The following PRR16 variants were observed in gnomAD, a reference collection of about 807,000 sequenced individuals.
PRR16 encodes the protein proline rich 16, also known as protein Largen.
A neutral mutation model predicts 18.2 loss-of-function variants in PRR16; 6 were observed. The observed-to-expected ratio is 0.33, with a 90% CI of 0.18 to 0.65. The LOEUF (loss-of-function observed/expected upper bound fraction) is 0.65. Ranked by LOEUF, PRR16 falls within the 30% of genes least tolerant of loss-of-function variation. PRR16 has a pLI of 0.74. For synonymous variants in PRR16, 151 were observed against 147.8 expected, an observed-to-expected ratio of 1.02 and a Z score of -0.16; for missense variants, 412 against 376.6, an observed-to-expected ratio of 1.09 and a Z score of -0.78.
the PRR16 span, among the ~76,000 whole-genome samples, chr5:120,722,305 C>T: frequency 6.6e-6 from 1 of 151,938 alleles, no homozygotes; most frequent in Non-Finnish European, 1.5e-5. Context: ...TACTATCGTT[C>T]TGTATATCTC....
At chr5:120,590,162 G>C (rs2112772212) in intron 1 of PRR16, among the ~76,000 whole-genome samples, 1 of 151,286 alleles carries the variant, frequency 6.6e-6, no homozygotes. Flanking sequence ...AATATTGAAT[G>C]CTGTATTACC....
intron 1 of PRR16, among the ~76,000 whole-genome samples, chr5:120,639,164 T>C (rs1461325460): frequency 6.6e-6 from 1 of 152,142 alleles, no homozygotes; most frequent in Non-Finnish European, 1.5e-5. Flanking sequence ...AATGATTACC[T>C]ATTTACAGAT....
chr5:120,563,520 C>G (rs774073545), intron 1 of PRR16, among the ~76,000 whole-genome samples: 19 of 152,192 alleles, frequency 1.2e-4, no homozygotes, highest in Non-Finnish European at 2.5e-4. Context: ...TGGCCACCAC[C>G]ACCAACAGCC....
chr5:120,544,967 A>G (rs1038570624), intron 1 of PRR16, among the ~76,000 whole-genome samples: 1 of 152,174 alleles, frequency 6.6e-6, no homozygotes. Context: ...ATCTTAAGAA[A>G]CATTCCAAAA....
the PRR16 span, among the ~76,000 whole-genome samples, chr5:120,693,809 TCTCAA>T: frequency 1.3e-5 from 2 of 152,206 alleles, no homozygotes; most frequent in Admixed American, 6.5e-5. Context: ...TTCAATTCTT[TCTCAA>T]CTCATGTCTT....
chr5:120,756,658 T>C, the PRR16 span, among the ~76,000 whole-genome samples: 2 of 152,068 alleles, frequency 1.3e-5, no homozygotes, highest in Non-Finnish European at 2.9e-5. Flanking sequence ...TGCTTAATTG[T>C]TTAAGTTCCT....
At chr5:120,531,256 A>G (rs1360957895) in intron 1 of PRR16, among the ~76,000 whole-genome samples, 3 of 152,120 alleles carry the variant, frequency 2.0e-5, no homozygotes, top group Non-Finnish European at 4.4e-5. Context: ...ATAGGTTGCC[A>G]TATTTTCCTT....
At chr5:120,630,174 T>A (rs1755006226) in intron 1 of PRR16, among the ~76,000 whole-genome samples, 1 of 152,166 alleles carries the variant, frequency 6.6e-6, no homozygotes, top group African/African-American at 2.4e-5. Context: ...ATTTTATCAT[T>A]TACATCTCCT....
chr5:120,641,169 G>A (rs1755410030), intron 1 of PRR16, among the ~76,000 whole-genome samples: 1 of 152,104 alleles, frequency 6.6e-6, no homozygotes, highest in Admixed American at 6.6e-5. Flanking sequence ...AATATGACTT[G>A]CCTTCTTTGT....
At chr5:120,493,466 T>C (rs1750135734) in intron 1 of PRR16, among the ~76,000 whole-genome samples, 3 of 152,186 alleles carry the variant, frequency 2.0e-5, no homozygotes, top group African/African-American at 7.2e-5. Context: ...TAATTTAAGC[T>C]TTTTATTTTG....
chr5:120,474,751 T>C (rs1309726018), intron 1 of PRR16, among the ~76,000 whole-genome samples: 1 of 152,170 alleles, frequency 6.6e-6, no homozygotes, highest in Non-Finnish European at 1.5e-5. Context: ...AAAAGTTAAA[T>C]TGGTATTTTT....
At chr5:120,708,011 T>C in the PRR16 span, among the ~76,000 whole-genome samples, 1 of 152,192 alleles carries the variant, frequency 6.6e-6, no homozygotes, top group Non-Finnish European at 1.5e-5. Flanking sequence ...AAAACAAAAG[T>C]ATAATTTTCT....
intron 1 of PRR16, among the ~76,000 whole-genome samples, chr5:120,593,195 A>T (rs1315390961): frequency 6.6e-6 from 1 of 152,070 alleles, no homozygotes; most frequent in Non-Finnish European, 1.5e-5. Flanking sequence ...TGAGATAGGA[A>T]AAACCATACA....
At chr5:120,467,342 TTAAAAA>T (rs1444358440) in intron 1 of PRR16, among the ~76,000 whole-genome samples, 3 of 152,142 alleles carry the variant, frequency 2.0e-5, no homozygotes, top group African/African-American at 4.8e-5. Flanking sequence ...GCAACAGAAA[TTAAAAA>T]TAAAAAAGTA....
rs868024788 is a variant in PRR16 at position 120,501,979 on chromosome 5, A to C, written c.159+37334A>C. Among the ~76,000 whole-genome samples the C allele has an allele frequency of 2.7e-5, 4 of 150,040 alleles. No individual in the cohort carries two copies. In the South Asian group the frequency reaches 8.3e-4, roughly 31 times the overall value. Reference sequence around the variant, plus strand: ...TCAAAAAAAAAAAAAAAAAAAAAAAAAAAGAAAGAAATAGCTAGTATAAAA... The same window carrying C: ...TCAAAAAAAAAAAAAAAAAAAAAAACAAAGAAAGAAATAGCTAGTATAAAA... On this transcript the variant is annotated intron_variant, in intron 1 of 1. Coordinates refer to ENST00000407149, the MANE Select transcript of PRR16 (RefSeq NM_001300783.2).
chr5:120,682,663 G>A (rs1757007561), intron 1 of PRR16, among the ~76,000 whole-genome samples: 1 of 152,158 alleles, frequency 6.6e-6, no homozygotes, highest in Admixed American at 6.5e-5. Context: ...AGCCAAGACT[G>A]TCTCTCTACC....
chr5:120,556,830 A>T (rs531684644), intron 1 of PRR16, among the ~76,000 whole-genome samples: 8 of 151,804 alleles, frequency 5.3e-5, no homozygotes, highest in Non-Finnish European at 8.8e-5. Context: ...ACAAAATCAT[A>T]TGTGGAATCC....
chr5:120,705,734 AAGAT>A, the PRR16 span, among the ~76,000 whole-genome samples: 2 of 152,124 alleles, frequency 1.3e-5, no homozygotes, highest in Admixed American at 6.5e-5. Context: ...TTTAATATGA[AAGAT>A]AGTAAGTGTA....
chr5:120,755,172 C>G, the PRR16 span, among the ~76,000 whole-genome samples: 1 of 150,770 alleles, frequency 6.6e-6, no homozygotes, highest in Non-Finnish European at 1.5e-5. Context: ...CACATGTACC[C>G]TAAAACTTAG....
Sources: gnomAD v4.1 joint callset for allele counts (sites outside exome capture counted in the v4.1 genomes callset) on GRCh38, gnomAD v4.1.1 for gene constraint, MANE v1.5 for transcripts, NCBI Gene and HGNC (gene_info 2026-07-23, HGNC 2026-07-21) for gene names.